The following SLIT1 variants were observed in gnomAD, a reference collection of about 807,000 sequenced individuals.
SLIT1 encodes the protein slit guidance ligand 1.
In SLIT1, 66 loss-of-function variants were observed where a neutral mutation model predicts 186.1. That is an observed-to-expected ratio of 0.35 (90% CI 0.29 to 0.44). The LOEUF is 0.44. SLIT1 is among the 20% of genes least tolerant of loss of function. The probability of loss-of-function intolerance (pLI) is 1.00; values close to 1 mark genes in which losing one functional copy is unlikely to be tolerated. For missense variants in SLIT1, 1,638 were observed against 2,037.4 expected (o/e 0.80, Z 3.77); for synonymous variants, 761 against 833.8 (o/e 0.91, Z 1.50).
chr10:97,091,765 C>A (rs576273517), intron 4 of SLIT1, among the ~76,000 whole-genome samples: 1 of 152,316 alleles, frequency 6.6e-6, no homozygotes, highest in African/African-American at 2.4e-5. Flanking sequence ...GTGCACAGAG[C>A]TCGTAGGAGC....
At position 97,184,904 on chromosome 10, in the gene SLIT1, G is replaced by A. The variant is rs1850390423; in HGVS notation, c.197+574C>T. 6.6e-6 allele frequency among the ~76,000 whole-genome samples: 1 copy of A among 152,190 alleles called. No individual in the cohort carries two copies. The highest frequency in any genetic ancestry group is 2.4e-5 in the African/African-American group (1 of 41,450). On this transcript the variant is annotated intron_variant, in intron 1 of 36. Transcript: ENST00000266058. This position sits in a 1 kb window ranked among gnomAD's most constrained non-coding sequence, Gnocchi z 4.4. Reference sequence around the variant, plus strand: ...TGGCTGGGTGTGGAGGGAGGCGGGTGAGTAGGGGACCAACGCGTGGCACCT... The same window carrying A: ...TGGCTGGGTGTGGAGGGAGGCGGGTAAGTAGGGGACCAACGCGTGGCACCT...
chr10:97,073,137 T>G (rs1022710303), intron 4 of SLIT1, among the ~76,000 whole-genome samples: 6 of 152,194 alleles, frequency 3.9e-5, no homozygotes, highest in African/African-American at 1.4e-4. Context: ...ACTGACTTCC[T>G]ACCTTGCCAA....
intron 11 of SLIT1, chr10:97,058,170 T>A (rs1848858839): frequency 1.5e-6 from 1 of 670,682 alleles, no homozygotes; most frequent in Non-Finnish European, 2.8e-6. Context: ...AGGAAGCCAC[T>A]GAGACAGCAT....
chr10:97,136,394 TGCATTG>T (rs1380898685), intron 4 of SLIT1, among the ~76,000 whole-genome samples: 1 of 152,246 alleles, frequency 6.6e-6, no homozygotes, highest in Non-Finnish European at 1.5e-5. Context: ...GCCACTCACT[TGCATTG>T]GCCTCTTCTA....
At chr10:97,096,393 G>A (rs911828365) in intron 4 of SLIT1, among the ~76,000 whole-genome samples, 13 of 150,944 alleles carry the variant, frequency 8.6e-5, no homozygotes, top group Non-Finnish European at 1.3e-4. Context: ...CCCCGCCAGC[G>A]CCCTGTTCCC....
chr10:97,061,251 C>T (rs1053020559), intron 8 of SLIT1, among the ~76,000 whole-genome samples: 1 of 152,234 alleles, frequency 6.6e-6, no homozygotes, highest in Admixed American at 6.5e-5. Flanking sequence ...TGCCATTCTA[C>T]AGCTGAGAAA....
At chr10:97,033,566 T>C (rs1411721370) in intron 23 of SLIT1, among the ~76,000 whole-genome samples, 1 of 152,164 alleles carries the variant, frequency 6.6e-6, no homozygotes, top group Non-Finnish European at 1.5e-5. Context: ...AAAGGAACAT[T>C]ACCTAGCAAT....
intron 4 of SLIT1, among the ~76,000 whole-genome samples, chr10:97,114,519 T>C (rs892605850): frequency 1.3e-5 from 2 of 152,094 alleles, no homozygotes; most frequent in Non-Finnish European, 2.9e-5. Flanking sequence ...GGTGTGGTGA[T>C]GCACACTTGT....
rs11591691 is a variant in SLIT1, at chr10:97,031,682, G to A, written c.2439-5C>T. On this transcript the variant is annotated splice_region_variant and splice_polypyrimidine_tract_variant and intron_variant, in intron 23 of 36. Coordinates refer to ENST00000266058, the MANE Select transcript of SLIT1 (RefSeq NM_003061.3). ...AGGGCATTGTAGCTGAGGATCCTGC[G>A]GAGGAAGGAGATGGAGGAAGGGCAC... 9,515 of 1,550,020 alleles carry A rather than the reference G, an allele frequency of 6.1e-3. 49 individuals are homozygous for A. The highest frequency in any genetic ancestry group is 7.0e-3 in the Non-Finnish European group (8,036 of 1,146,054).
At chr10:97,132,400 G>C (rs913443321) in intron 4 of SLIT1, among the ~76,000 whole-genome samples, 1 of 152,156 alleles carries the variant, frequency 6.6e-6, no homozygotes, top group Non-Finnish European at 1.5e-5. Flanking sequence ...TCCCAGCTCC[G>C]ATGTCTGAGA....
intron 13 of SLIT1, among the ~76,000 whole-genome samples, chr10:97,056,042 C>T (rs1256115519): frequency 6.6e-6 from 1 of 152,200 alleles, no homozygotes; most frequent in Non-Finnish European, 1.5e-5. Flanking sequence ...CAAACATCCT[C>T]CTTAATCTCA....
At chr10:97,031,102 G>A (rs1024812638) in intron 24 of SLIT1, among the ~76,000 whole-genome samples, 2 of 152,170 alleles carry the variant, frequency 1.3e-5, no homozygotes, top group Non-Finnish European at 1.5e-5. Flanking sequence ...CCCTCTTTTC[G>A]TGGAGGACCC....
intron 4 of SLIT1, among the ~76,000 whole-genome samples, chr10:97,151,914 G>A (rs1363091390): frequency 6.6e-6 from 1 of 152,140 alleles, no homozygotes; most frequent in Non-Finnish European, 1.5e-5. Context: ...TCATGGGGCA[G>A]GTTCACTTCT....
chr10:97,043,160 G>A lies in SLIT1; in HGVS notation c.1998-93C>T. 7.1e-7 allele frequency: 1 copy of A among 1,415,088 alleles called. No homozygotes were observed. The highest frequency in any genetic ancestry group is 9.7e-7 in the Non-Finnish European group (1 of 1,028,476). 87.7% of individuals were successfully genotyped at this position (1,415,088 alleles called of 1,614,324 possible). A position where few individuals can be genotyped will look rare whatever the true frequency, so the allele number is the denominator to read the frequency against. On this transcript the variant is annotated intron_variant, in intron 19 of 36. Transcript: ENST00000266058. This position sits in a 1 kb window ranked among gnomAD's most constrained non-coding sequence, Gnocchi z 7.0. ...CTGTACCACGGACACAGGGCCACAT[G>A]GCCACATGGCACTGTCTCCCAGACC...
chr10:97,117,171 C>T (rs1255098451), intron 4 of SLIT1, among the ~76,000 whole-genome samples: 1 of 152,068 alleles, frequency 6.6e-6, no homozygotes, highest in Non-Finnish European at 1.5e-5. Flanking sequence ...TAGAAAAACA[C>T]TTGACATGAA....
chr10:97,017,848 CTT>C (rs1177419241), intron 28 of SLIT1, among the ~76,000 whole-genome samples: 14 of 134,618 alleles, frequency 1.0e-4, no homozygotes, highest in Non-Finnish European at 1.5e-4. Flanking sequence ...ATTTTCTTTT[CTT>C]TTTTTTTTTT....
At chr10:97,090,675 G>T (rs568214988) in intron 4 of SLIT1, among the ~76,000 whole-genome samples, 1 of 152,180 alleles carries the variant, frequency 6.6e-6, no homozygotes, top group Non-Finnish European at 1.5e-5. Context: ...GACACTGAGC[G>T]CTGCCACAGG....
chr10:97,059,555 G>A (rs1454534855), intron 10 of SLIT1, 24 bp from the exon 11 acceptor site: 3 of 1,605,834 alleles, frequency 1.9e-6, no homozygotes, highest in East Asian at 4.5e-5. Context: ...AGAAGGAGAG[G>A]GGGCATCTGA....
chr10:97,037,823 G>A (rs2134617268), intron 21 of SLIT1, 57 bp from the exon 22 acceptor site: 1 of 1,436,660 alleles, frequency 7.0e-7, no homozygotes, highest in Non-Finnish European at 9.7e-7. Context: ...GGTGCCCCAT[G>A]CTGGGGACAG....
Sources: gnomAD v4.1 joint callset for allele counts (sites outside exome capture counted in the v4.1 genomes callset) on GRCh38, gnomAD v4.1.1 for gene constraint, Gnocchi (gnomAD v3.1) non-coding constraint, MANE v1.5 for transcripts, NCBI Gene and HGNC (gene_info 2026-07-23, HGNC 2026-07-21) for gene names.